Variants in SLC35D4 observed in about 807,000 individuals in gnomAD.
The protein encoded by SLC35D4 is solute carrier family 35 member D4.
the SLC35D4 span, among the ~76,000 whole-genome samples, chr18:23,358,061 C>T: frequency 6.6e-6 from 1 of 152,184 alleles, no homozygotes; most frequent in Non-Finnish European, 1.5e-5. Flanking sequence ...CAAGGGTGCC[C>T]TGGGGACCCC....
the SLC35D4 span, chr18:23,437,936 G>T: frequency 1.1e-5 from 16 of 1,445,170 alleles, no homozygotes; most frequent in East Asian, 1.2e-4. Context: ...CAGCAGCAGC[G>T]GCAGCGGCAG....
chr18:23,374,329 C>T, the SLC35D4 span, among the ~76,000 whole-genome samples: 2 of 152,098 alleles, frequency 1.3e-5, no homozygotes, highest in Admixed American at 1.3e-4. Context: ...ACATGCAGAG[C>T]GTGGATTGAA....
the SLC35D4 span, among the ~76,000 whole-genome samples, chr18:23,388,188 C>A: frequency 1.8e-4 from 27 of 152,156 alleles, no homozygotes; most frequent in African/African-American, 6.0e-4. Flanking sequence ...AATTTTAGGA[C>A]CTGCAGGCTG....
chr18:23,252,081 G>A, the SLC35D4 span, among the ~76,000 whole-genome samples: 3,308 of 144,356 alleles, frequency 0.023, 126 homozygotes, highest in African/African-American at 0.079. Context: ...GTGAGACTCC[G>A]TCTCAAAAAA....
the SLC35D4 span, among the ~76,000 whole-genome samples, chr18:23,384,805 A>C: frequency 6.6e-6 from 1 of 152,164 alleles, no homozygotes; most frequent in Non-Finnish European, 1.5e-5. Flanking sequence ...ATATTCCCAC[A>C]TATGTCTGGT....
At chr18:23,435,438 GA>G in the SLC35D4 span, among the ~76,000 whole-genome samples, 1 of 151,962 alleles carries the variant, frequency 6.6e-6, no homozygotes, top group African/African-American at 2.4e-5. Flanking sequence ...GAGTTAAATT[GA>G]AAAAGCCAGA....
chr18:23,365,841 T>C, the SLC35D4 span, among the ~76,000 whole-genome samples: 1 of 152,316 alleles, frequency 6.6e-6, no homozygotes, highest in South Asian at 2.1e-4. Flanking sequence ...TTGAAATGTC[T>C]CATGTTTTGG....
chr18:23,388,336 A>G, the SLC35D4 span, among the ~76,000 whole-genome samples: 1 of 152,210 alleles, frequency 6.6e-6, no homozygotes, highest in South Asian at 2.1e-4. Context: ...TTTTATGTGT[A>G]TTCTCTTATT....
chr18:23,434,921 G>A, the SLC35D4 span, among the ~76,000 whole-genome samples: 1 of 152,188 alleles, frequency 6.6e-6, no homozygotes, highest in Non-Finnish European at 1.5e-5. Flanking sequence ...ACTTTGGGAG[G>A]CTGAGGTGGG....
the SLC35D4 span, among the ~76,000 whole-genome samples, chr18:23,353,145 C>T: frequency 8.5e-6 from 1 of 117,852 alleles, no homozygotes; most frequent in Admixed American, 9.4e-5. Context: ...GAGAGAAAGG[C>T]TGACTTCATG....
chr18:23,407,847 C>T, the SLC35D4 span, among the ~76,000 whole-genome samples: 10 of 152,108 alleles, frequency 6.6e-5, no homozygotes, highest in Non-Finnish European at 1.0e-4. Context: ...CCTCAATATG[C>T]GTACTTTTTG....
chr18:23,371,425 C>T, the SLC35D4 span: 6 of 1,589,268 alleles, frequency 3.8e-6, no homozygotes, highest in Non-Finnish European at 5.1e-6. Context: ...AACTTACCTA[C>T]ACAGAGTAAG....
chr18:23,240,661 C>T, the SLC35D4 span, among the ~76,000 whole-genome samples: 1 of 152,236 alleles, frequency 6.6e-6, no homozygotes, highest in Non-Finnish European at 1.5e-5. Flanking sequence ...GAGCTGCTCA[C>T]CTCCCTTAGT....
At chr18:23,384,321 A>T in the SLC35D4 span, among the ~76,000 whole-genome samples, 1 of 152,112 alleles carries the variant, frequency 6.6e-6, no homozygotes, top group African/African-American at 2.4e-5. Context: ...AATGTTCCAA[A>T]AATTGGTATG....
chr18:23,361,700 T>A, the SLC35D4 span, among the ~76,000 whole-genome samples: 5 of 152,202 alleles, frequency 3.3e-5, no homozygotes, highest in African/African-American at 1.2e-4. Context: ...CCATCCCCCA[T>A]CCTGCAGGAG....
At chr18:23,245,606 T>C in the SLC35D4 span, among the ~76,000 whole-genome samples, 1 of 152,166 alleles carries the variant, frequency 6.6e-6, no homozygotes, top group Non-Finnish European at 1.5e-5. Context: ...TTTCCTGTTA[T>C]CTCAGAAGGA....
At chr18:23,278,175 A>T in the SLC35D4 span, among the ~76,000 whole-genome samples, 12,447 of 152,116 alleles carry the variant, frequency 0.082, 792 homozygotes, top group African/African-American at 0.17. Context: ...GATCAAAACC[A>T]CTGGGCAGAA....
the SLC35D4 span, among the ~76,000 whole-genome samples, chr18:23,325,864 T>G: frequency 6.6e-6 from 1 of 152,134 alleles, no homozygotes; most frequent in Non-Finnish European, 1.5e-5. Flanking sequence ...CAGGAGCCCA[T>G]CAAGTGTCCT....
chr18:23,357,191 C>T, the SLC35D4 span, among the ~76,000 whole-genome samples: 2 of 152,074 alleles, frequency 1.3e-5, no homozygotes, highest in Non-Finnish European at 2.9e-5. Context: ...AATGTACTGC[C>T]CTGACATTTT....
Sources: allele counts gnomAD v4.1 joint callset (sites outside exome capture counted in the v4.1 genomes callset), GRCh38; gene constraint gnomAD v4.1.1; transcripts MANE v1.5; gene names NCBI Gene and HGNC (gene_info 2026-07-23, HGNC 2026-07-21).